Variants in GRAMD4 observed in about 807,000 individuals in gnomAD.
GRAMD4 encodes the protein GRAM domain-containing protein 4.
A neutral mutation model predicts 83.9 loss-of-function variants in GRAMD4; 25 were observed. That is an observed-to-expected ratio of 0.30 (90% CI 0.22 to 0.42). The LOEUF (loss-of-function observed/expected upper bound fraction) is 0.42. GRAMD4 is among the 10% of genes least tolerant of loss of function. GRAMD4 has a pLI of 1.00. For missense variants in GRAMD4, 593 were observed against 788.7 expected (o/e 0.75, Z 2.97); for synonymous variants, 336 against 320.9 (o/e 1.05, Z -0.50).
chr22:46,682,036 A>G (rs928787119), downstream of GRAMD4, among the ~76,000 whole-genome samples: 3 of 152,228 alleles, frequency 2.0e-5, no homozygotes, highest in African/African-American at 7.2e-5. Flanking sequence ...AAAGCCGCCC[A>G]GGGAAAGGGC....
chr22:46,608,788 G>A (rs1356999716), intron 1 of GRAMD4, among the ~76,000 whole-genome samples: 1 of 152,120 alleles, frequency 6.6e-6, no homozygotes, highest in African/African-American at 2.4e-5. Context: ...ATGGAAGGAT[G>A]GCTTGAAATC....
intron 3 of GRAMD4, among the ~76,000 whole-genome samples, chr22:46,646,867 C>T (rs990706383): frequency 7.2e-5 from 11 of 152,272 alleles, no homozygotes; most frequent in East Asian, 1.9e-4. Context: ...ACAATCATGG[C>T]GGAAGGCAAG....
At chr22:46,661,569 A>G in intron 5 of GRAMD4, 127 bp downstream of exon 5, 1 of 704,096 alleles carries the variant, frequency 1.4e-6, no homozygotes, top group Non-Finnish European at 2.5e-6. Flanking sequence ...GGCAGGCGGC[A>G]GGTGCTGGTT....
rs1039937201 is a variant in GRAMD4 at position 46,678,871 on chromosome 22, C to T, written c.*1620C>T. ...CCGATCACCAGATTAAGCACATGTC[C>T]TATCCCAGGCGGTGGAGCGGAGCCC... On this transcript the variant is annotated 3_prime_UTR_variant, in exon 19 of 19. Transcript: ENST00000406902. 3.2e-5 allele frequency: 32 copies of T among 985,856 alleles called. No homozygotes were observed. Among genetic ancestry groups the T allele is most frequent in the Non-Finnish European group, 3.5e-5 (29 of 829,996 alleles). The allele number at this position is 985,856 out of a possible 1,614,324, so 61.1% of individuals were successfully genotyped here.
At chr22:46,654,944 G>A (rs763477900) in intron 3 of GRAMD4, among the ~76,000 whole-genome samples, 2 of 152,218 alleles carry the variant, frequency 1.3e-5, no homozygotes, top group East Asian at 1.9e-4. Context: ...CCCAGCACAC[G>A]GAGTGGGAAT....
At position 46,654,726 on chromosome 22, in the gene GRAMD4, C is replaced by T. The variant is rs571940651; in HGVS notation, c.284-3461C>T. Among the ~76,000 whole-genome samples, 12 of 152,360 alleles carry T rather than the reference C, an allele frequency of 7.9e-5. No homozygotes were observed. In the East Asian group the frequency reaches 2.1e-3, roughly 27 times the overall value. On this transcript the variant is annotated intron_variant, in intron 3 of 18. Transcript: ENST00000406902. The stretch of plus-strand genomic sequence containing the variant: ...ACGTGAGAACTGGCCAAGCTCCCCT[C>T]CCAACCACTCTCCCTTCCCCACATC...
At chr22:46,655,021 G>C (rs540466269) in intron 3 of GRAMD4, among the ~76,000 whole-genome samples, 8 of 152,226 alleles carry the variant, frequency 5.3e-5, no homozygotes, top group Admixed American at 4.6e-4. Flanking sequence ...CAGATGGGGG[G>C]GCTGTTGGGG....
intron 3 of GRAMD4, among the ~76,000 whole-genome samples, chr22:46,642,575 CT>C (rs1333657063): frequency 6.6e-6 from 1 of 152,180 alleles, no homozygotes; most frequent in Non-Finnish European, 1.5e-5. Flanking sequence ...TCAATGCAGT[CT>C]CTATTTGTTT....
At chr22:46,644,383 C>G (rs1467203480) in intron 3 of GRAMD4, among the ~76,000 whole-genome samples, 1 of 152,048 alleles carries the variant, frequency 6.6e-6, no homozygotes, top group Non-Finnish European at 1.5e-5. Context: ...TACACCTGTC[C>G]CTGTTCCAGG....
At position 46,668,848 on chromosome 22, in the gene GRAMD4, C is replaced by T; in HGVS notation, c.1024C>T (p.Leu342Phe). The T allele has an allele frequency of 6.2e-7, 1 of 1,612,774 alleles. No homozygotes were observed. Among genetic ancestry groups the T allele is most frequent in the Non-Finnish European group, 8.5e-7 (1 of 1,179,570 alleles). ...GATCACACAGAAGCTGTATGTGGCG[C>T]TCTGGGCTGCCTTCCTGGCCTCCTG... is the stretch of plus-strand genomic sequence containing the variant. ...PEITQKLYVA[L>F]WAAFLASCFF... is the part of the protein sequence containing the mutation. Residue 342 changes from leucine (L) to phenylalanine (F), a missense_variant, in exon 13 of 19, where the codon CTC (leucine) becomes TTC (phenylalanine). Around this residue, in one of 4 missense-constraint regions of GRAMD4, gnomAD observed 171 missense variants for 199.6 expected, o/e 0.86. Transcript: ENST00000406902.
At chr22:46,587,362 G>T (rs1394472768) in intron 1 of GRAMD4, among the ~76,000 whole-genome samples, 1 of 152,112 alleles carries the variant, frequency 6.6e-6, no homozygotes, top group African/African-American at 2.4e-5. Context: ...AGTGTGTGGG[G>T]GTGGGAAGGG....
At chr22:46,588,044 T>C in intron 1 of GRAMD4, 2 of 707,742 alleles carry the variant, frequency 2.8e-6, no homozygotes, top group Non-Finnish European at 3.4e-6. Context: ...AGATGTCGGG[T>C]TTAGAGAGAG....
upstream of GRAMD4, among the ~76,000 whole-genome samples, chr22:46,616,702 G>A (rs1417529975): frequency 6.1e-3 from 486 of 79,226 alleles, no homozygotes; most frequent in Non-Finnish European, 6.9e-3. Flanking sequence ...TCCCCTGTGC[G>A]TGTAGGTTCC....
chr22:46,580,490 G>C (rs889061053), intron 1 of GRAMD4, among the ~76,000 whole-genome samples: 99 of 152,342 alleles, frequency 6.5e-4, no homozygotes, highest in Non-Finnish European at 9.1e-4. Context: ...GAGGAGGCCT[G>C]GATCTCCCAA....
chr22:46,661,311 G>A (rs1391016924), intron 4 of GRAMD4, 70 bp from the exon 5 acceptor site: 11 of 1,235,640 alleles, frequency 8.9e-6, no homozygotes, highest in Middle Eastern at 1.8e-4. Context: ...GAGAGCCCTC[G>A]GGGGTGCCTG....
At position 46,627,979 on chromosome 22, in the gene GRAMD4, T is replaced by C. The variant is rs989218683; in HGVS notation, c.162+1018T>C. 2.0e-5 allele frequency among the ~76,000 whole-genome samples: 3 copies of C among 152,306 alleles called. No individual in the cohort carries two copies. In the East Asian group the frequency reaches 5.8e-4, roughly 29 times the overall value. The stretch of plus-strand genomic sequence containing the variant: ...TGGACCGGGACCCCGGTAGGGTGTC[T>C]GCCCTTGTGCAGGTTATGTGGCAGA... On this transcript the variant is annotated intron_variant, in intron 2 of 18. Coordinates refer to ENST00000406902, the MANE Select transcript of GRAMD4 (RefSeq NM_015124.5).
chr22:46,678,395 C>T lies in GRAMD4; in HGVS notation c.*1144C>T. On this transcript the variant is annotated 3_prime_UTR_variant, in exon 19 of 19. Transcript: ENST00000406902. ...GCCGGTGCCGGTCCGGGCACAGACC[C>T]CCCCAGCCCCCGCCCTGCCCCAGGG... 1.0e-6 allele frequency: 1 copy of T among 984,334 alleles called. No individual in the cohort carries two copies. The highest frequency in any genetic ancestry group is 1.2e-6 in the Non-Finnish European group (1 of 828,904). 61.0% of individuals were successfully genotyped at this position (984,334 alleles called of 1,614,324 possible).
chr22:46,658,158 T>C (rs751189228), intron 3 of GRAMD4, 29 bp from the exon 4 acceptor site: 1 of 1,612,884 alleles, frequency 6.2e-7, no homozygotes, highest in South Asian at 1.1e-5. Flanking sequence ...ACATGAGCGA[T>C]GGTCACCTGG....
At chr22:46,662,905 C>T (rs1022319984) in intron 5 of GRAMD4, 135 bp from the exon 6 acceptor site, 3 of 737,004 alleles carry the variant, frequency 4.1e-6, no homozygotes, top group Non-Finnish European at 4.4e-6. Flanking sequence ...CCCTGACCTA[C>T]CCCCGAGCAT....
Sources: gnomAD v4.1 joint callset for allele counts (sites outside exome capture counted in the v4.1 genomes callset) on GRCh38, gnomAD v4.1.1 for gene constraint, gnomAD v4.1.1 regional missense constraint, MANE v1.5 for transcripts, NCBI Gene and HGNC (gene_info 2026-07-23, HGNC 2026-07-21) for gene names.